The following ADAMTS19 variants were observed in gnomAD, a reference collection of about 807,000 sequenced individuals.
ADAMTS19 encodes A disintegrin and metalloproteinase with thrombospondin motifs 19.
Under a neutral mutation model 153.3 loss-of-function variants are expected in ADAMTS19, and 93 were observed. The ratio of observed to expected loss-of-function variants is 0.61; its 90% CI spans 0.51 to 0.72. The LOEUF (loss-of-function observed/expected upper bound fraction) is 0.72. Among genes scored for constraint, ADAMTS19 ranks in the 30% least tolerant of loss-of-function variants. The pLI is 0.00. For missense variants in ADAMTS19, 1,482 were observed against 1,552.1 expected, an observed-to-expected ratio of 0.95 and a Z score of 0.76; for synonymous variants, 600 against 556.6, an observed-to-expected ratio of 1.08 and a Z score of -1.10.
At chr5:129,503,359 A>T (rs1394650131) in intron 2 of ADAMTS19, among the ~76,000 whole-genome samples, 4 of 152,216 alleles carry the variant, frequency 2.6e-5, no homozygotes, top group Non-Finnish European at 5.9e-5. Flanking sequence ...TAGAATACAC[A>T]AATGCATGAC....
At chr5:129,614,882 T>C (rs1305755545) in intron 8 of ADAMTS19, among the ~76,000 whole-genome samples, 1 of 152,080 alleles carries the variant, frequency 6.6e-6, no homozygotes, top group Admixed American at 6.6e-5. Flanking sequence ...AGCATTCTTA[T>C]ACACCAATAA....
chr5:129,652,370 G>A (rs1372401955), intron 13 of ADAMTS19, among the ~76,000 whole-genome samples: 1 of 152,206 alleles, frequency 6.6e-6, no homozygotes, highest in Non-Finnish European at 1.5e-5. Flanking sequence ...CTGCCTAGGA[G>A]AATTAAATGT....
chr5:129,658,787 A>C, intron 15 of ADAMTS19, 50 bp downstream of exon 15: 1 of 1,527,352 alleles, frequency 6.5e-7, no homozygotes, highest in Non-Finnish European at 8.9e-7. Context: ...AATCTTTGGG[A>C]ACACAGATTA....
At chr5:129,491,433 T>C (rs928144235) in intron 2 of ADAMTS19, among the ~76,000 whole-genome samples, 5 of 152,190 alleles carry the variant, frequency 3.3e-5, no homozygotes, top group Non-Finnish European at 7.3e-5. Context: ...CATTCTGTTA[T>C]TGTTTCCATT....
intron 2 of ADAMTS19, among the ~76,000 whole-genome samples, chr5:129,479,903 G>T (rs1750352376): frequency 6.6e-6 from 1 of 152,062 alleles, no homozygotes. Context: ...TTGATTTATA[G>T]ATTTGGTACA....
At chr5:129,498,733 A>T (rs1460643820) in intron 2 of ADAMTS19, among the ~76,000 whole-genome samples, 4 of 149,516 alleles carry the variant, frequency 2.7e-5, no homozygotes, top group African/African-American at 9.8e-5. Context: ...CACTTTAGTT[A>T]TTGCTTCAAA....
chr5:129,652,952 G>A (rs972483252), intron 13 of ADAMTS19, among the ~76,000 whole-genome samples: 3 of 152,156 alleles, frequency 2.0e-5, no homozygotes, highest in South Asian at 2.1e-4. Context: ...GCTTTATTGC[G>A]GCTTATAATG....
chr5:129,561,938 G>A (rs1338381999), intron 7 of ADAMTS19, among the ~76,000 whole-genome samples: 1 of 152,034 alleles, frequency 6.6e-6, no homozygotes, highest in Non-Finnish European at 1.5e-5. Context: ...CAAGCTCATG[G>A]TGACAGATGA....
rs77782525 is a variant in ADAMTS19, at chr5:129,733,171, A to C, written c.3313-1761A>C. On this transcript the variant is annotated intron_variant, in intron 21 of 22. Transcript: ENST00000274487. The stretch of plus-strand genomic sequence containing the variant: ...ACAAAAATTTACTCAAGGTGGATTA[A>C]AGACTTGAACATAAGACCTGAAAGT... Among the ~76,000 whole-genome samples, 991 of 152,238 alleles carry C rather than the reference A, an allele frequency of 6.5e-3. 8 individuals are homozygous for C. Among genetic ancestry groups the C allele is most frequent in the African/African-American group, 0.023 (947 of 41,564 alleles).
chr5:129,503,498 T>C (rs1205191679), intron 2 of ADAMTS19, among the ~76,000 whole-genome samples: 1 of 152,194 alleles, frequency 6.6e-6, no homozygotes, highest in East Asian at 1.9e-4. Context: ...TAATGCTTTA[T>C]AATGAGATAT....
intron 3 of ADAMTS19, among the ~76,000 whole-genome samples, chr5:129,519,171 G>T (rs958508866): frequency 6.6e-6 from 1 of 152,062 alleles, no homozygotes; most frequent in Non-Finnish European, 1.5e-5. Flanking sequence ...GTTATTCAGC[G>T]CTTTTCAGTT....
At chr5:129,623,378 A>G (rs897047632) in intron 10 of ADAMTS19, among the ~76,000 whole-genome samples, 1 of 151,990 alleles carries the variant, frequency 6.6e-6, no homozygotes, top group Middle Eastern at 3.4e-3. Context: ...TTCCTAACAC[A>G]CACACATACA....
intron 21 of ADAMTS19, among the ~76,000 whole-genome samples, chr5:129,727,634 C>CGTAGAGA (rs1478262647): frequency 2.6e-5 from 4 of 152,008 alleles, no homozygotes; most frequent in Non-Finnish European, 4.4e-5. Context: ...CCTGTAAAAC[C>CGTAGAGA]GTAGACAGTA....
chr5:129,608,692 C>G (rs1751047826), intron 8 of ADAMTS19, among the ~76,000 whole-genome samples: 1 of 151,886 alleles, frequency 6.6e-6, no homozygotes, highest in Admixed American at 6.6e-5. Flanking sequence ...GAGGCCAAGT[C>G]AGGCGGATCA....
chr5:129,693,631 A>G (rs1755432235), intron 18 of ADAMTS19, among the ~76,000 whole-genome samples: 1 of 152,220 alleles, frequency 6.6e-6, no homozygotes, highest in Admixed American at 6.5e-5. Flanking sequence ...ACTTTTTCAA[A>G]GAGAAGCAGA....
Position 129,738,351 on chromosome 5 carries a change from C to T in ADAMTS19, c.*1133C>T, listed in dbSNP as rs1757761659. 1 of 152,014 alleles carries T rather than the reference C, an allele frequency of 6.6e-6. No homozygotes were observed. The highest frequency in any genetic ancestry group is 1.5e-5 in the Non-Finnish European group (1 of 67,974). The allele number at this position is 152,014 out of a possible 1,614,324, so 9.4% of individuals were successfully genotyped here. A position where few individuals can be genotyped will look rare whatever the true frequency, so the allele number is the denominator to read the frequency against. On this transcript the variant is annotated 3_prime_UTR_variant, in exon 23 of 23. Coordinates refer to ENST00000274487, the MANE Select transcript of ADAMTS19 (RefSeq NM_133638.6). ...AACTTCCCACTGAGAGACAATTCTT[C>T]ATAGACTTGTCACATATCCACATGT...
At chr5:129,694,921 C>A (rs939758150) in intron 19 of ADAMTS19, 66 bp downstream of exon 19, 3 of 1,345,052 alleles carry the variant, frequency 2.2e-6, no homozygotes, top group East Asian at 2.7e-5. Flanking sequence ...TTAAAACATG[C>A]TCAGAATATC....
At chr5:129,717,324 T>G (rs535160277) in intron 21 of ADAMTS19, among the ~76,000 whole-genome samples, 15 of 152,266 alleles carry the variant, frequency 9.9e-5, no homozygotes, top group Admixed American at 6.5e-4. Context: ...TTAAAATTTT[T>G]GGGGGGTACA....
In ADAMTS19 at chr5:129,701,510, G is replaced by A. The variant is rs752627262; in HGVS notation, c.3077G>A (p.Cys1026Tyr). Residue 1026 changes from cysteine (C) to tyrosine (Y), a missense_variant, in exon 20 of 23, where the codon TGC becomes TAC. Coordinates refer to ENST00000274487, the MANE Select transcript of ADAMTS19 (RefSeq NM_133638.6). ...GTLIRARERD[C>Y]IGPKPASAQR... The stretch of plus-strand genomic sequence containing the variant: ...CTGATTAGAGCCCGAGAGAGGGACT[G>A]CATTGGGCCCAAGCCCGCCTCTGCC... 6.2e-7 allele frequency: 1 copy of A among 1,614,194 alleles called. No homozygotes were observed. Among genetic ancestry groups the A allele is most frequent in the East Asian group, 2.2e-5 (1 of 44,870 alleles).
Sources: gnomAD v4.1 joint callset for allele counts (sites outside exome capture counted in the v4.1 genomes callset) on GRCh38, gnomAD v4.1.1 for gene constraint, MANE v1.5 for transcripts, NCBI Gene and HGNC (gene_info 2026-07-23, HGNC 2026-07-21) for gene names.